PDGFC: variants seen among roughly 807,000 people sequenced by gnomAD.
PDGFC encodes the protein platelet-derived growth factor C.
In PDGFC, 12 loss-of-function variants were observed where a neutral mutation model predicts 35.5. The ratio of observed to expected loss-of-function variants is 0.34; its 90% CI spans 0.22 to 0.55. PDGFC has a LOEUF of 0.55. Ranked by LOEUF, PDGFC falls within the 20% of genes least tolerant of loss-of-function variation. The probability of loss-of-function intolerance (pLI) is 0.91; values close to 1 mark genes in which losing one functional copy is unlikely to be tolerated. For synonymous variants in PDGFC, 159 were observed against 148.8 expected, an observed-to-expected ratio of 1.07 and a Z score of -0.50; for missense variants, 322 against 412.4, an observed-to-expected ratio of 0.78 and a Z score of 1.90.
At position 156,932,708 on chromosome 4, in the gene PDGFC, G is replaced by A. The variant is rs113065017; in HGVS notation, c.118+38078C>T. On this transcript the variant is annotated intron_variant, in intron 1 of 5. Transcript: ENST00000502773. ...GGGAATTGAACAATGAGAACACACG[G>A]ACACAGGAAGGGGAACATCACACAC... 7.1e-3 allele frequency among the ~76,000 whole-genome samples: 937 copies of A among 132,798 alleles called. 15 individuals carry two copies. The highest frequency in any genetic ancestry group is 0.025 in the African/African-American group (896 of 35,392). The allele number at this position is 132,798 out of a possible 152,430, so 87.1% of individuals were successfully genotyped here. A position where few individuals can be genotyped will look rare whatever the true frequency, so the allele number is the denominator to read the frequency against.
intron 2 of PDGFC, among the ~76,000 whole-genome samples, chr4:156,825,255 A>G (rs1337771693): frequency 6.6e-6 from 1 of 152,016 alleles, no homozygotes; most frequent in East Asian, 1.9e-4. Context: ...CTTAAAGGGC[A>G]TAAAAATTTA....
chr4:156,850,542 A>C, intron 1 of PDGFC, 126 bp from the exon 2 acceptor site: 1 of 479,488 alleles, frequency 2.1e-6, no homozygotes, highest in Non-Finnish European at 3.7e-6. Context: ...GATATATGCC[A>C]AATACCACTC....
At chr4:156,823,039 C>T (rs554956904) in intron 2 of PDGFC, among the ~76,000 whole-genome samples, 48 of 152,088 alleles carry the variant, frequency 3.2e-4, no homozygotes, top group African/African-American at 1.1e-3. Flanking sequence ...CAGCCCAGAG[C>T]TCATATTCTT....
At chr4:156,842,334 G>A (rs1428797305) in intron 2 of PDGFC, 10 of 151,576 alleles carry the variant, frequency 6.6e-5, no homozygotes, top group African/African-American at 2.4e-4. Context: ...AAAAGTAGTG[G>A]TAATAGAGCA....
intron 1 of PDGFC, among the ~76,000 whole-genome samples, chr4:156,955,171 T>A (rs1235105003): frequency 2.0e-5 from 3 of 151,916 alleles, no homozygotes; most frequent in African/African-American, 7.3e-5. Context: ...ACACGCAGCA[T>A]GAAGGAGAGA....
intron 1 of PDGFC, among the ~76,000 whole-genome samples, chr4:156,909,599 A>G (rs1295773596): frequency 6.6e-6 from 1 of 152,230 alleles, no homozygotes; most frequent in African/African-American, 2.4e-5. Flanking sequence ...TAGATATAAT[A>G]TGATCTCATG....
chr4:156,971,038 A>G lies in PDGFC; in HGVS notation c.-135T>C. 1 of 625,748 alleles carries G rather than the reference A, an allele frequency of 1.6e-6. No individual in the cohort carries two copies. The highest frequency in any genetic ancestry group is 2.9e-6 in the Non-Finnish European group (1 of 350,646). 38.8% of individuals were successfully genotyped at this position (625,748 alleles called of 1,614,324 possible). A position where few individuals can be genotyped will look rare whatever the true frequency, so the allele number is the denominator to read the frequency against. Reference sequence around the variant, plus strand: ...GCCTGCTCTGGCAGCAGAGAATCGCAGGGTAGTTTCCACATAATCCCATCC... The same window carrying G: ...GCCTGCTCTGGCAGCAGAGAATCGCGGGGTAGTTTCCACATAATCCCATCC... On this transcript the variant is annotated 5_prime_UTR_variant, in exon 1 of 6. Coordinates refer to ENST00000502773, the MANE Select transcript of PDGFC (RefSeq NM_016205.3).
chr4:156,798,073 T>C (rs1731497448), intron 3 of PDGFC, among the ~76,000 whole-genome samples: 1 of 151,986 alleles, frequency 6.6e-6, no homozygotes, highest in Non-Finnish European at 1.5e-5. Context: ...GCGCCTGTAA[T>C]CCCGGCTACT....
rs1481356749 is a variant in PDGFC at position 156,762,362 on chromosome 4, G to C, written c.*728C>G. 7.2e-5 allele frequency: 11 copies of C among 152,528 alleles called. No individual in the cohort carries two copies. Among genetic ancestry groups the C allele is most frequent in the Non-Finnish European group, 1.6e-4 (11 of 68,004 alleles). 9.4% of individuals were successfully genotyped at this position (152,528 alleles called of 1,614,324 possible). ...GCCAACAGTTATAATGTCAAAAGGA[G>C]AATATAAAAATGTACACAATGAAAC... On this transcript the variant is annotated 3_prime_UTR_variant, in exon 6 of 6. Transcript: ENST00000502773.
intron 2 of PDGFC, among the ~76,000 whole-genome samples, chr4:156,819,045 C>T (rs965663290): frequency 1.4e-4 from 21 of 152,246 alleles, no homozygotes; most frequent in Admixed American, 9.8e-4. Context: ...GGTCCTAACT[C>T]TCTTTAATTC....
Position 156,970,986 on chromosome 4 carries a change from A to AAAGCTTTCACCACCGCC in PDGFC, c.-84_-83insGGCGGTGGTGAAAGCTT, listed in dbSNP as rs1396220954. The AAAGCTTTCACCACCGCC allele has an allele frequency of 1.2e-6, 1 of 852,300 alleles. No individual in the cohort carries two copies. Among genetic ancestry groups the AAAGCTTTCACCACCGCC allele is most frequent in the African/African-American group, 1.7e-5 (1 of 60,422 alleles). 52.8% of individuals were successfully genotyped at this position (852,300 alleles called of 1,614,324 possible). A position where few individuals can be genotyped will look rare whatever the true frequency, so the allele number is the denominator to read the frequency against. On this transcript the variant is annotated 5_prime_UTR_variant, in exon 1 of 6. The change creates a premature stop within an existing upstream ORF in the 5' untranslated region. Coordinates refer to ENST00000502773, the MANE Select transcript of PDGFC (RefSeq NM_016205.3). ...GAGTCTCTTTCACCACCGCCAGGGG[A>AAAGCTTTCACCACCGCC]AGGCTGCACTGGGGTGGAAGCGCCG...
chr4:156,766,427 A>T (rs989749443), intron 5 of PDGFC, among the ~76,000 whole-genome samples: 1 of 152,136 alleles, frequency 6.6e-6, no homozygotes, highest in African/African-American at 2.4e-5. Flanking sequence ...TAACATTATC[A>T]TGCTTCAGTA....
intron 2 of PDGFC, among the ~76,000 whole-genome samples, chr4:156,825,708 A>C (rs1461515629): frequency 6.6e-6 from 1 of 151,462 alleles, no homozygotes; most frequent in Non-Finnish European, 1.5e-5. Context: ...CAGGTATAAG[A>C]AACTTGTAGT....
At chr4:156,960,258 A>ATATATATATATATATG (rs1553983785) in intron 1 of PDGFC, among the ~76,000 whole-genome samples, 3 of 147,432 alleles carry the variant, frequency 2.0e-5, no homozygotes, top group African/African-American at 7.4e-5. Flanking sequence ...ACTGTTATAT[A>ATATATATATATATATG]TATATATATA....
At chr4:156,863,765 T>C (rs1729771627) in intron 1 of PDGFC, among the ~76,000 whole-genome samples, 1 of 152,088 alleles carries the variant, frequency 6.6e-6, no homozygotes, top group African/African-American at 2.4e-5. Flanking sequence ...AGTGGTAAAT[T>C]TCATATTAAC....
chr4:156,873,219 C>G (rs577328575), intron 1 of PDGFC, among the ~76,000 whole-genome samples: 1 of 152,080 alleles, frequency 6.6e-6, no homozygotes, highest in African/African-American at 2.4e-5. Flanking sequence ...ATTACAAACC[C>G]CACTTGCAAG....
intron 1 of PDGFC, among the ~76,000 whole-genome samples, chr4:156,940,712 GT>G (rs972366000): frequency 6.6e-6 from 1 of 151,968 alleles, no homozygotes; most frequent in Non-Finnish European, 1.5e-5. Context: ...AATAAGAGGT[GT>G]TTTTTTGCCT....
chr4:156,967,242 G>A (rs1409961701), intron 1 of PDGFC: 1 of 151,980 alleles, frequency 6.6e-6, no homozygotes, highest in Non-Finnish European at 1.5e-5. Context: ...AGGGGACTGG[G>A]CACCTTTTTT....
chr4:156,815,735 G>T (rs753262170), intron 2 of PDGFC, among the ~76,000 whole-genome samples: 1 of 152,140 alleles, frequency 6.6e-6, no homozygotes, highest in Non-Finnish European at 1.5e-5. Flanking sequence ...TGACTGCTCT[G>T]GAGACATGGT....
Sources: gnomAD v4.1 joint callset for allele counts (sites outside exome capture counted in the v4.1 genomes callset) on GRCh38, gnomAD v4.1.1 for gene constraint, MANE v1.5 for transcripts, NCBI Gene and HGNC (gene_info 2026-07-23, HGNC 2026-07-21) for gene names.